Variants in MAU2 observed in about 807,000 individuals in gnomAD.
MAU2 encodes MAU2 chromatid cohesion factor homolog.
MAU2 carries 9 observed loss-of-function variants against 89.1 expected under a neutral mutation model. The observed-to-expected ratio is 0.10, with a 90% CI of 0.06 to 0.18. The LOEUF is 0.18. Ranked by LOEUF, MAU2 falls within the 10% of genes least tolerant of loss-of-function variation. The pLI is 1.00. For missense variants in MAU2, 425 were observed against 803.5 expected, an observed-to-expected ratio of 0.53 and a Z score of 5.69; for synonymous variants, 357 against 343.4, an observed-to-expected ratio of 1.04 and a Z score of -0.44.
intron 1 of MAU2, among the ~76,000 whole-genome samples, chr19:19,322,766 A>G (rs1292983413): frequency 6.6e-6 from 1 of 152,212 alleles, no homozygotes; most frequent in Non-Finnish European, 1.5e-5. Context: ...CAGATTTTAA[A>G]AACTCATTAA....
intron 13 of MAU2, 45 bp downstream of exon 13, chr19:19,347,411 T>G: frequency 2.7e-6 from 4 of 1,504,428 alleles, no homozygotes; most frequent in Non-Finnish European, 3.7e-6. Context: ...CTCTGTTCTC[T>G]TCTTTTTGGG....
At chr19:19,324,298 T>C (rs1273929982) in intron 1 of MAU2, among the ~76,000 whole-genome samples, 1 of 151,548 alleles carries the variant, frequency 6.6e-6, no homozygotes, top group Admixed American at 6.6e-5. Context: ...ACTCGGGGGG[T>C]CAGGTTGATG....
intron 5 of MAU2, 111 bp from the exon 6 acceptor site, chr19:19,340,735 G>A (rs1262809574): frequency 4.8e-6 from 5 of 1,033,818 alleles, no homozygotes; most frequent in Non-Finnish European, 7.2e-6. Context: ...GTTGTCCACT[G>A]AACTGTCCCC....
intron 4 of MAU2, among the ~76,000 whole-genome samples, chr19:19,337,847 C>T (rs1164655859): frequency 6.6e-6 from 1 of 152,244 alleles, no homozygotes; most frequent in Non-Finnish European, 1.5e-5. Flanking sequence ...AAGCCCTGGT[C>T]TCTGAGCTCC....
chr19:19,326,710 A>G lies in MAU2; in HGVS notation c.276+5575A>G, dbSNP rs374072030. Among the ~76,000 whole-genome samples the G allele has an allele frequency of 1.7e-5, 2 of 119,818 alleles. 1 individual carries two copies. Among genetic ancestry groups the G allele is most frequent in the South Asian group, 5.1e-4 (2 of 3,920 alleles). The allele number at this position is 119,818 out of a possible 152,430, so 78.6% of individuals were successfully genotyped here. On this transcript the variant is annotated intron_variant, in intron 1 of 18. Coordinates refer to ENST00000262815, the MANE Select transcript of MAU2 (RefSeq NM_015329.4). ...AAAAAAAATATATATATGTATATAT[A>G]TATATATATACATATATATATATAT...
chr19:19,321,269 C>T (rs895716387), intron 1 of MAU2, 134 bp downstream of exon 1: 15 of 1,068,424 alleles, frequency 1.4e-5, no homozygotes, highest in African/African-American at 1.3e-4. Context: ...AGCCGCAGGA[C>T]CCCCACCCGC....
chr19:19,349,129 C>T (rs1599923307), intron 14 of MAU2, 26 bp from the exon 15 acceptor site: 10 of 1,613,398 alleles, frequency 6.2e-6, no homozygotes, highest in Non-Finnish European at 7.6e-6. Context: ...ATCACCACCC[C>T]ATGTGATACT....
intron 12 of MAU2, among the ~76,000 whole-genome samples, chr19:19,346,418 AAG>A (rs1209687676): frequency 6.6e-6 from 1 of 152,082 alleles, no homozygotes; most frequent in Non-Finnish European, 1.5e-5. Context: ...CCGAGGCCAA[AAG>A]AGAGCCTCTT....
At chr19:19,338,794 G>A (rs2074089) in intron 4 of MAU2, 51 bp from the exon 5 acceptor site, 892,213 of 1,428,136 alleles carry the variant, frequency 0.62, 283,203 homozygotes, top group East Asian at 0.7. Context: ...GGCAGGTACC[G>A]TAAAACTGAT....
At chr19:19,350,821 A>AC (rs2061737813) in intron 16 of MAU2, among the ~76,000 whole-genome samples, 1 of 151,784 alleles carries the variant, frequency 6.6e-6, no homozygotes. Flanking sequence ...AATGGCATGA[A>AC]CCAGGAAGGC....
intron 1 of MAU2, among the ~76,000 whole-genome samples, chr19:19,323,208 T>A (rs939752870): frequency 1.9e-4 from 29 of 150,874 alleles, no homozygotes; most frequent in African/African-American, 7.1e-4. Context: ...TTTTTCTTTT[T>A]TTTTTGAGAC....
intron 1 of MAU2, among the ~76,000 whole-genome samples, chr19:19,324,763 G>A (rs930743387): frequency 6.6e-6 from 1 of 152,148 alleles, no homozygotes; most frequent in Non-Finnish European, 1.5e-5. Flanking sequence ...CTTTATGCCT[G>A]GAAATCCCGT....
At chr19:19,323,585 C>T (rs1356392800) in intron 1 of MAU2, among the ~76,000 whole-genome samples, 1 of 152,176 alleles carries the variant, frequency 6.6e-6, no homozygotes, top group African/African-American at 2.4e-5. Flanking sequence ...CAGCTCACTG[C>T]AGCCTTGACC....
Position 19,326,706 on chromosome 19 carries a change from A to ATATATATATATACGTATATATATATATG in MAU2, c.276+5583_276+5584insCGTATATATATATATGTATATATATATA, listed in dbSNP as rs2061508962. On this transcript the variant is annotated intron_variant, in intron 1 of 18. Transcript: ENST00000262815. The stretch of plus-strand genomic sequence containing the variant: ...CTCAAAAAAAAATATATATATGTAT[A>ATATATATATATACGTATATATATATATG]TATATATATATATACATATATATAT... Among the ~76,000 whole-genome samples, 19 of 86,962 alleles carry ATATATATATATACGTATATATATATATG rather than the reference A, an allele frequency of 2.2e-4. 1 individual carries two copies. Among genetic ancestry groups the ATATATATATATACGTATATATATATATG allele is most frequent in the East Asian group, 3.9e-4 (1 of 2,594 alleles). 57.1% of individuals were successfully genotyped at this position (86,962 alleles called of 152,430 possible).
At chr19:19,339,402 A>G (rs1290127313) in intron 5 of MAU2, among the ~76,000 whole-genome samples, 1 of 151,902 alleles carries the variant, frequency 6.6e-6, no homozygotes, top group African/African-American at 2.4e-5. Flanking sequence ...AGCCAAGATC[A>G]TGCCACTGTA....
intron 1 of MAU2, among the ~76,000 whole-genome samples, chr19:19,325,502 G>A (rs2061496740): frequency 6.6e-6 from 1 of 150,542 alleles, no homozygotes; most frequent in Admixed American, 6.6e-5. Context: ...TTTTTGAGAA[G>A]GAGTTTCACT....
At position 19,337,192 on chromosome 19, in the gene MAU2, C is replaced by T. The variant is rs2061604051; in HGVS notation, c.383C>T (p.Pro128Leu). 1 of 1,613,544 alleles carries T rather than the reference C, an allele frequency of 6.2e-7. No homozygotes were observed. The highest frequency in any genetic ancestry group is 8.5e-7 in the Non-Finnish European group (1 of 1,179,724). The change falls in exon 4 of 19, where the codon CCG becomes CTG. Residue 128 changes from proline to leucine, a missense_variant. This residue lies in a region of MAU2 where 119 missense variants were observed against 299.8 expected (regional missense o/e 0.40). Transcript: ENST00000262815. ...CAGAATTCCGTTGATGCAGCAAAGCCGCTGCTGCGGAAGGCGATCCAGATC... is the reference window on the plus strand; with the variant it reads ...CAGAATTCCGTTGATGCAGCAAAGCTGCTGCTGCGGAAGGCGATCCAGATC... Reference protein sequence around the residue: ...CQENSVDAAKPLLRKAIQISQ... With the variant: ...CQENSVDAAKLLLRKAIQISQ...
chr19:19,343,262 T>C (rs970193315), intron 9 of MAU2, among the ~76,000 whole-genome samples: 1 of 152,174 alleles, frequency 6.6e-6, no homozygotes, highest in African/African-American at 2.4e-5. Context: ...GTCTAATCCA[T>C]CCAGGGACCT....
At chr19:19,336,527 A>G (rs1599903387) in intron 3 of MAU2, among the ~76,000 whole-genome samples, 1 of 152,246 alleles carries the variant, frequency 6.6e-6, no homozygotes, top group Non-Finnish European at 1.5e-5. Flanking sequence ...TCCTGCCTCG[A>G]CTTCCCAAAG....
Sources: allele counts gnomAD v4.1 joint callset (sites outside exome capture counted in the v4.1 genomes callset), GRCh38; gene constraint gnomAD v4.1.1; regional missense constraint gnomAD v4.1.1; transcripts MANE v1.5; gene names NCBI Gene and HGNC (gene_info 2026-07-23, HGNC 2026-07-21).